The following CDH4 variants were observed in gnomAD, a reference collection of about 807,000 sequenced individuals.
CDH4 encodes the protein cadherin 4.
Under a neutral mutation model 86.0 loss-of-function variants are expected in CDH4, and 33 were observed. The ratio of observed to expected loss-of-function variants is 0.38; its 90% confidence interval spans 0.29 to 0.51. The LOEUF (loss-of-function observed/expected upper bound fraction) is 0.51. Ranked by LOEUF, CDH4 falls within the 20% of genes least tolerant of loss-of-function variation. The pLI, the probability that CDH4 is intolerant of heterozygous loss-of-function variation, is 0.86. For synonymous variants in CDH4, 555 were observed against 549.4 expected, an observed-to-expected ratio of 1.01 and a Z score of -0.14; for missense variants, 1,114 against 1,307.4, an observed-to-expected ratio of 0.85 and a Z score of 2.28.
chr20:61,376,817 G>A (rs79169556), intron 2 of CDH4, among the ~76,000 whole-genome samples: 4,469 of 152,254 alleles, frequency 0.029, 82 homozygotes, highest in Middle Eastern at 0.048. Context: ...GTGAATGGCC[G>A]GTGGCCAAGA....
chr20:61,336,810 A>G (rs2084619681), intron 2 of CDH4, among the ~76,000 whole-genome samples: 1 of 152,128 alleles, frequency 6.6e-6, no homozygotes, highest in African/African-American at 2.4e-5. Flanking sequence ...TGGACTTTAC[A>G]AGGAAGGACT....
chr20:61,333,552 CA>C (rs1286977863), intron 2 of CDH4, among the ~76,000 whole-genome samples: 1 of 152,118 alleles, frequency 6.6e-6, no homozygotes, highest in African/African-American at 2.4e-5. Context: ...CTAAGAAGTG[CA>C]GTTGTACAGG....
At position 61,936,910 on chromosome 20, in the gene CDH4, G is replaced by A; in HGVS notation, c.2718G>A (p.Leu906=). The A allele has an allele frequency of 6.2e-7, 1 of 1,600,244 alleles. No homozygotes were observed. Among genetic ancestry groups the A allele is most frequent in the East Asian group, 2.3e-5 (1 of 43,810 alleles). The stretch of plus-strand genomic sequence containing the variant: ...ACTGGGGGCCCAGATTCAAGAAGCT[G>A]GCGGACATGTATGGAGGTGGTGAAG... The part of the protein sequence containing the change: ...LNDWGPRFKK[L]ADMYGGGEED The change falls in exon 16 of 16, where the codon CTG becomes CTA. Residue 906 remains leucine, a synonymous_variant. Transcript: ENST00000614565.
chr20:61,539,468 C>T (rs545902507), intron 2 of CDH4, among the ~76,000 whole-genome samples: 2 of 152,316 alleles, frequency 1.3e-5, no homozygotes, highest in East Asian at 1.9e-4. Flanking sequence ...CTCACGGAGT[C>T]GTCCCTGTGT....
At position 61,388,282 on chromosome 20, in the gene CDH4, G is replaced by A. The variant is rs2145460555; in HGVS notation, c.169+133345G>A. 1.3e-5 allele frequency among the ~76,000 whole-genome samples: 2 copies of A among 152,254 alleles called. 1 individual carries two copies. Among genetic ancestry groups the A allele is most frequent in the Middle Eastern group, 6.8e-3 (2 of 294 alleles). ...GTCGGAGTGGTGGTGGGTGGGGGTA[G>A]GGGGGTGTGGGGTTGACCCCCGTCT... On this transcript the variant is annotated intron_variant, in intron 2 of 15. Transcript: ENST00000614565.
At chr20:61,773,351 C>T (rs939930769) in intron 4 of CDH4, among the ~76,000 whole-genome samples, 169 bp downstream of exon 4, 4 of 152,184 alleles carry the variant, frequency 2.6e-5, no homozygotes, top group Admixed American at 6.5e-5. Context: ...AAAATTCAGG[C>T]GGGGAAGCTG....
intron 2 of CDH4, among the ~76,000 whole-genome samples, chr20:61,425,538 G>A (rs937648244): frequency 2.0e-4 from 31 of 152,238 alleles, no homozygotes; most frequent in Admixed American, 1.4e-3. Context: ...GAAGGACAGT[G>A]GGCAGGGCAG....
intron 2 of CDH4, among the ~76,000 whole-genome samples, chr20:61,678,613 A>G (rs1345451926): frequency 6.6e-6 from 1 of 152,208 alleles, no homozygotes; most frequent in African/African-American, 2.4e-5. Flanking sequence ...TTAAAATGAC[A>G]GAAACATCTT....
intron 2 of CDH4, among the ~76,000 whole-genome samples, chr20:61,713,689 T>C (rs2087917826): frequency 6.6e-6 from 1 of 152,212 alleles, no homozygotes; most frequent in Non-Finnish European, 1.5e-5. Flanking sequence ...TGCCCTGCTG[T>C]ATCATATGAG....
intron 4 of CDH4, among the ~76,000 whole-genome samples, chr20:61,792,638 C>CTGTGTGTGTGTGTGTGTGTGTGTG (rs139135636): frequency 4.8e-4 from 73 of 150,772 alleles, no homozygotes; most frequent in African/African-American, 1.8e-3. Context: ...TTAGATGATG[C>CTGTGTGTGTGTGTGTGTGTGTGTG]TGTGTGTGTG....
chr20:61,714,054 T>G (rs1298526814), intron 2 of CDH4, among the ~76,000 whole-genome samples: 3 of 150,790 alleles, frequency 2.0e-5, no homozygotes, highest in African/African-American at 7.4e-5. Flanking sequence ...TTATTTTATT[T>G]TATTTTATTT....
At chr20:61,825,044 A>G (rs1264468984) in intron 4 of CDH4, among the ~76,000 whole-genome samples, 9 of 152,046 alleles carry the variant, frequency 5.9e-5, no homozygotes, top group Admixed American at 2.6e-4. Context: ...CTCACTCTAC[A>G]TAGTTTGTAA....
At chr20:61,368,857 AC>A (rs1230514811) in intron 2 of CDH4, among the ~76,000 whole-genome samples, 1 of 152,158 alleles carries the variant, frequency 6.6e-6, no homozygotes, top group East Asian at 1.9e-4. Flanking sequence ...GTACTAAAAC[AC>A]CCCTTAACGA....
chr20:61,647,089 C>T lies in CDH4; in HGVS notation c.170-96474C>T, dbSNP rs190170369. ...ATGCTTGGAGGGAGAGAGGGTGACA[C>T]CCACCCAGCCTGTCCTCTCCATCCA... is the stretch of plus-strand genomic sequence containing the variant. On this transcript the variant is annotated intron_variant, in intron 2 of 15. Coordinates refer to ENST00000614565, the MANE Select transcript of CDH4 (RefSeq NM_001794.5). Among the ~76,000 whole-genome samples the T allele has an allele frequency of 2.3e-3, 357 of 152,288 alleles. 2 individuals carry two copies. The highest frequency in any genetic ancestry group is 8.3e-3 in the African/African-American group (343 of 41,560).
rs1011632855 is a variant in CDH4 at position 61,534,861 on chromosome 20, G to A, written c.170-208702G>A. On this transcript the variant is annotated intron_variant, in intron 2 of 15. Coordinates refer to ENST00000614565, the MANE Select transcript of CDH4 (RefSeq NM_001794.5). ...TTGGAGCAGCCTCTGGTGGGACAGT[G>A]GCAGAGATGCCTGCTCATCCTCAAC... Among the ~76,000 whole-genome samples, 149 of 119,450 alleles carry A rather than the reference G, an allele frequency of 1.2e-3. 7 individuals are homozygous for A. The South Asian group carries it at 0.022, about 18-fold the overall frequency. The allele number at this position is 119,450 out of a possible 152,430, so 78.4% of individuals were successfully genotyped here. A position where few individuals can be genotyped will look rare whatever the true frequency, so the allele number is the denominator to read the frequency against.
At chr20:61,600,611 A>G (rs2086592943) in intron 2 of CDH4, among the ~76,000 whole-genome samples, 1 of 152,112 alleles carries the variant, frequency 6.6e-6, no homozygotes. Flanking sequence ...CTTCACAACT[A>G]TTGTCCCTCA....
chr20:61,294,992 GC>G (rs2084344522), intron 2 of CDH4, among the ~76,000 whole-genome samples: 1 of 152,228 alleles, frequency 6.6e-6, no homozygotes. Context: ...AAGAAAGTGA[GC>G]CCGCGAGAAT....
intron 1 of CDH4, among the ~76,000 whole-genome samples, chr20:61,253,949 T>C (rs771326166): frequency 1.8e-4 from 28 of 152,216 alleles, no homozygotes; most frequent in Non-Finnish European, 3.4e-4. Flanking sequence ...TCAGCGGGGC[T>C]GGCTTCCCGC....
chr20:61,466,015 T>C (rs188198013), intron 2 of CDH4, among the ~76,000 whole-genome samples: 5 of 152,276 alleles, frequency 3.3e-5, no homozygotes, highest in Admixed American at 6.5e-5. Flanking sequence ...TTAAATTTCC[T>C]CTTGGACATT....
Sources: allele counts gnomAD v4.1 joint callset (sites outside exome capture counted in the v4.1 genomes callset), GRCh38; gene constraint gnomAD v4.1.1; transcripts MANE v1.5; gene names NCBI Gene and HGNC (gene_info 2026-07-23, HGNC 2026-07-21).